GSN: variants seen among roughly 807,000 people sequenced by gnomAD.
GSN encodes the protein actin-depolymerizing factor.
A neutral mutation model predicts 85.7 loss-of-function variants in GSN; 56 were observed. That is an observed-to-expected ratio of 0.65 (90% CI 0.53 to 0.82). The LOEUF (loss-of-function observed/expected upper bound fraction) is 0.82, where lower values mean the gene tolerates loss of function less well. Ranked by LOEUF, GSN falls within the 40% of genes least tolerant of loss-of-function variation. GSN has a pLI of 0.00. For synonymous variants in GSN, 373 were observed against 399.1 expected (o/e 0.93, Z 0.78); for missense variants, 857 against 979.8 (o/e 0.87, Z 1.67).
At chr9:121,225,858 G>A (rs2054263433) in intron 4 of GSN, among the ~76,000 whole-genome samples, 1 of 152,162 alleles carries the variant, frequency 6.6e-6, no homozygotes, top group African/African-American at 2.4e-5. Context: ...AGGCTGGAGT[G>A]TGGTGGCACA....
In GSN at chr9:121,237,533, A is replaced by T. The variant is rs1019879545; in HGVS notation, c.-389+6230A>T. ...ACCACGGTACTCCAGCCTGAGCGAC[A>T]GAGCAAGACTCTGCCTCAAAAACAA... On this transcript the variant is annotated intron_variant, in intron 5 of 24. Transcript: ENST00000373823. 3.9e-5 allele frequency among the ~76,000 whole-genome samples: 6 copies of T among 152,226 alleles called. No homozygotes were observed. In the East Asian group the frequency reaches 9.6e-4, roughly 24 times the overall value.
At chr9:121,271,134 C>A (rs2055878228) in intron 1 of GSN, among the ~76,000 whole-genome samples, 1 of 152,148 alleles carries the variant, frequency 6.6e-6, no homozygotes. Context: ...TTTTGGGAGG[C>A]CGAGTTGGGT....
At chr9:121,280,363 C>T (rs1261712868) in intron 1 of GSN, 1 of 152,222 alleles carries the variant, frequency 6.6e-6, no homozygotes. Flanking sequence ...CTGGCACTGC[C>T]ATTTGCAGGG....
At chr9:121,283,695 ATTC>A (rs2057708166) in intron 2 of GSN, 2 of 66,846 alleles carry the variant, frequency 3.0e-5, no homozygotes, top group African/African-American at 5.8e-5. Flanking sequence ...TCATTCATTC[ATTC>A]ATTCATTCAT....
chr9:121,268,133 C>G (rs1406897312), upstream of GSN: 2 of 151,618 alleles, frequency 1.3e-5, no homozygotes, highest in Non-Finnish European at 3.0e-5. Context: ...CCCGGCCGCG[C>G]GCACCACAAC....
In GSN at chr9:121,332,712, G is replaced by T; in HGVS notation, c.*109G>T. ...AGCTCTGCTATGAGTGTGTGTGTGT[G>T]TGTGTGTTGTTTCTTTTTTTTTTTT... is the stretch of plus-strand genomic sequence containing the variant. On this transcript the variant is annotated 3_prime_UTR_variant, in exon 18 of 18. Coordinates refer to ENST00000432226, the MANE Select transcript of GSN (RefSeq NM_198252.3). The surrounding 1 kb of genome is among the most constrained non-coding windows in gnomAD (Gnocchi z 4.8). 1 of 744,550 alleles carries T rather than the reference G, an allele frequency of 1.3e-6. No individual in the cohort carries two copies. The highest frequency in any genetic ancestry group is 2.2e-6 in the Non-Finnish European group (1 of 460,992). 46.1% of individuals were successfully genotyped at this position (744,550 alleles called of 1,614,324 possible).
chr9:121,225,488 G>T (rs1371357106), intron 4 of GSN, among the ~76,000 whole-genome samples: 1 of 152,208 alleles, frequency 6.6e-6, no homozygotes, highest in Non-Finnish European at 1.5e-5. Context: ...CTGTCATTAT[G>T]ATCTTTGTGA....
At chr9:121,327,542 C>G in intron 14 of GSN, 60 bp downstream of exon 14, 1 of 1,395,244 alleles carries the variant, frequency 7.2e-7, no homozygotes, top group Non-Finnish European at 9.7e-7. Flanking sequence ...TTTCCCCCTT[C>G]TTTCCTTCAG....
intron 1 of GSN, among the ~76,000 whole-genome samples, chr9:121,270,892 C>T (rs940127681): frequency 2.6e-5 from 4 of 152,140 alleles, no homozygotes; most frequent in South Asian, 2.1e-4. Flanking sequence ...CCTGTGTCTG[C>T]GGCCTCTGGG....
At chr9:121,210,088 T>C (rs1266205878) in intron 2 of GSN, 5 of 152,196 alleles carry the variant, frequency 3.3e-5, no homozygotes, top group Admixed American at 6.5e-5. Context: ...ATAGATATAT[T>C]AGTTAGGAGA....
chr9:121,270,695 A>G (rs1251164213), intron 1 of GSN, among the ~76,000 whole-genome samples: 2 of 152,058 alleles, frequency 1.3e-5, no homozygotes, highest in East Asian at 3.9e-4. Flanking sequence ...TGGTGTGTGC[A>G]CTCCTGCCAA....
chr9:121,332,304 G>A lies in GSN; in HGVS notation c.2027-130G>A. The stretch of plus-strand genomic sequence containing the variant: ...AAAGGAGGATGGTGCCCAGGGCAGG[G>A]GGTGGGCAGTAGGGACAGTAGGACC... On this transcript the variant is annotated intron_variant, in intron 17 of 17. Transcript: ENST00000432226. The surrounding 1 kb of genome is among the most constrained non-coding windows in gnomAD (Gnocchi z 4.8). 2.3e-6 allele frequency: 2 copies of A among 855,790 alleles called. No individual in the cohort carries two copies. Among genetic ancestry groups the A allele is most frequent in the South Asian group, 1.3e-5 (1 of 74,870 alleles). The allele number at this position is 855,790 out of a possible 1,614,324, so 53.0% of individuals were successfully genotyped here.
At chr9:121,308,183 AG>A (rs1444740782) in intron 4 of GSN, among the ~76,000 whole-genome samples, 1 of 152,226 alleles carries the variant, frequency 6.6e-6, no homozygotes. Flanking sequence ...CAGGGTGGAA[AG>A]ATAGGTTGTT....
rs886063406 is a variant in GSN at position 121,329,292 on chromosome 9, A to G, written c.1942A>G (p.Met648Val). 23 of 1,609,210 alleles carry G rather than the reference A, an allele frequency of 1.4e-5. No homozygotes were observed. The highest frequency in any genetic ancestry group is 2.0e-5 in the Non-Finnish European group (23 of 1,175,640). ...GGAAGACCTGGCAACGGATGACGTC[A>G]TGCTTCTGGACACCTGGGACCAGGT... ...MQEDLATDDV[M>V]LLDTWDQVFV... is the part of the protein sequence containing the mutation. The change falls in exon 16 of 18, where the codon ATG becomes GTG. Residue 648 changes from methionine to valine, a missense_variant. By Grantham distance (21) the Met-to-Val change is conservative. Coordinates refer to ENST00000432226, the MANE Select transcript of GSN (RefSeq NM_198252.3). The surrounding 1 kb of genome is among the most constrained non-coding windows in gnomAD (Gnocchi z 4.6).
At chr9:121,297,265 AT>A (rs1170157795) in intron 2 of GSN, among the ~76,000 whole-genome samples, 14 of 152,276 alleles carry the variant, frequency 9.2e-5, no homozygotes, top group African/African-American at 3.1e-4. Context: ...TGCTTTTACA[AT>A]TTTTTCGGCT....
chr9:121,249,842 T>G (rs557910666), intron 6 of GSN, among the ~76,000 whole-genome samples: 1 of 152,286 alleles, frequency 6.6e-6, no homozygotes, highest in African/African-American at 2.4e-5. Flanking sequence ...GGAAAGAAAA[T>G]GGCTGCTGCT....
upstream of GSN, among the ~76,000 whole-genome samples, chr9:121,266,755 G>A (rs184226521): frequency 6.6e-6 from 1 of 152,320 alleles, no homozygotes; most frequent in East Asian, 1.9e-4. Context: ...GCCAGGTAGG[G>A]AGGTGAGAAT....
In GSN at chr9:121,245,908, G is replaced by A. The variant is rs145459947; in HGVS notation, c.-388-2368G>A. 1.6e-3 allele frequency among the ~76,000 whole-genome samples: 245 copies of A among 152,128 alleles called. 3 individuals carry two copies. The highest frequency in any genetic ancestry group is 5.6e-3 in the African/African-American group (234 of 41,496). ...GCTAGGACTACAGATGTGTGCCACCGTGCCCAGCTTGAAAAACGCATTTAA... is the reference window on the plus strand; with the variant it reads ...GCTAGGACTACAGATGTGTGCCACCATGCCCAGCTTGAAAAACGCATTTAA... On this transcript the variant is annotated intron_variant, in intron 5 of 24. Transcript: ENST00000373823.
chr9:121,328,690 G>C (rs1049721792), intron 14 of GSN, among the ~76,000 whole-genome samples: 1 of 152,234 alleles, frequency 6.6e-6, no homozygotes, highest in Non-Finnish European at 1.5e-5. Context: ...CTACTGCCAA[G>C]TCTGCCCTCT....
Sources: gnomAD v4.1 joint callset for allele counts (sites outside exome capture counted in the v4.1 genomes callset) on GRCh38, gnomAD v4.1.1 for gene constraint, Gnocchi (gnomAD v3.1) non-coding constraint, MANE v1.5 for transcripts, NCBI Gene and HGNC (gene_info 2026-07-23, HGNC 2026-07-21) for gene names.